Variants in PNMA8A observed in about 807,000 individuals in gnomAD.
The protein encoded by PNMA8A is PNMA family member 8A.
A neutral mutation model predicts 26.6 loss-of-function variants in PNMA8A; 17 were observed. The ratio of observed to expected loss-of-function variants is 0.64; its 90% CI spans 0.44 to 0.96. The LOEUF (loss-of-function observed/expected upper bound fraction) is 0.96, where lower values mean the gene tolerates loss of function less well. Ranked by LOEUF, PNMA8A falls within the 40% of genes least tolerant of loss-of-function variation. The pLI, the probability that PNMA8A is intolerant of heterozygous loss-of-function variation, is 0.00. For synonymous variants in PNMA8A, 224 were observed against 182.0 expected, an observed-to-expected ratio of 1.23 and a Z score of -1.86; for missense variants, 532 against 488.4, an observed-to-expected ratio of 1.09 and a Z score of -0.84.
At position 46,470,637 on chromosome 19, in the gene PNMA8A, G is replaced by A; in HGVS notation, c.399C>T (p.Pro133=). Residue 133 remains proline (P), a synonymous_variant, in exon 2 of 3, where the codon CCC becomes CCT. Coordinates refer to ENST00000313683, the MANE Select transcript of PNMA8A (RefSeq NM_018215.4). ...GCTGATGCTGGTTCTGGGACAGGGTGGGGTGGTTGAGCTGGAGCAGGCGGA... is the reference window on the plus strand; with the variant it reads ...GCTGATGCTGGTTCTGGGACAGGGTAGGGTGGTTGAGCTGGAGCAGGCGGA... ...DVVRLLQLNH[P]TLSQNQHQPP... is the part of the protein sequence containing the mutation. 5 of 1,583,820 alleles carry A rather than the reference G, an allele frequency of 3.2e-6. No individual in the cohort carries two copies. The highest frequency in any genetic ancestry group is 4.3e-6 in the Non-Finnish European group (5 of 1,152,382).
At position 46,466,844 on chromosome 19, in the gene PNMA8A, T is replaced by C. The variant is rs1969713274; in HGVS notation, c.*1717A>G. Reference sequence around the variant, plus strand: ...ATCTAACAACTGTTCACATTCTTTATCACAAAAACTGAAGTCGGAAAAGAC... The same window carrying C: ...ATCTAACAACTGTTCACATTCTTTACCACAAAAACTGAAGTCGGAAAAGAC... On this transcript the variant is annotated 3_prime_UTR_variant, in exon 3 of 3. Transcript: ENST00000313683. 2.0e-5 allele frequency: 3 copies of C among 152,190 alleles called. No homozygotes were observed. 9.4% of individuals were successfully genotyped at this position (152,190 alleles called of 1,614,324 possible).
Position 46,470,794 on chromosome 19 carries a change from G to T in PNMA8A, c.242C>A (p.Thr81Asn), listed in dbSNP as rs570296685. Residue 81 changes from threonine (T) to asparagine (N), a missense_variant, in exon 2 of 3, where the codon ACC becomes AAC. Coordinates refer to ENST00000313683, the MANE Select transcript of PNMA8A (RefSeq NM_018215.4). ...CCTTCCTGGGAATTCACGGGGGATG[G>T]TGCTCAGATTCACACCTTCACCAAC... ...IEVGEGVNLS[T>N]IPREFPGRGG... 1.3e-6 allele frequency: 1 copy of T among 783,260 alleles called. No homozygotes were observed. Among genetic ancestry groups the T allele is most frequent in the Non-Finnish European group, 2.4e-6 (1 of 420,136 alleles). The allele number at this position is 783,260 out of a possible 1,614,324, so 48.5% of individuals were successfully genotyped here.
Position 46,469,816 on chromosome 19 carries a change from C to G in PNMA8A, c.1220G>C (p.Gly407Ala). The G allele has an allele frequency of 6.2e-7, 1 of 1,614,222 alleles. No individual in the cohort carries two copies. Among genetic ancestry groups the G allele is most frequent in the Non-Finnish European group, 8.5e-7 (1 of 1,180,032 alleles). The change falls in exon 2 of 3, where the codon GGC becomes GCC. Residue 407 changes from glycine to alanine, a missense_variant. Physicochemically the swap from Gly to Ala is moderately conservative, Grantham distance 60. Transcript: ENST00000313683. ...GGCTGTTGCCTCGGCAGGCTGCTGG[C>G]CCCGAGGGGCCTTCTGATCTGATGC... Reference protein sequence around the residue: ...REASDQKAPRGQQPAEATAST... With the variant: ...REASDQKAPRAQQPAEATAST...
chr19:46,468,682 C>T, intron 2 of PNMA8A, 105 bp from the exon 3 acceptor site: 1 of 889,658 alleles, frequency 1.1e-6, no homozygotes, highest in Non-Finnish European at 1.9e-6. Flanking sequence ...TTCTATTCCC[C>T]AGCCAGGTCT....
In PNMA8A at chr19:46,468,320, GAAGGT is replaced by G. The variant is rs988549368; in HGVS notation, c.*236_*240del. ...TTACCAACTCTCCTGCCTCCGAAGA[GAAGGT>G]GAGTAGAGAAGGCGGTGAAACGGCA... On this transcript the variant is annotated 3_prime_UTR_variant, in exon 3 of 3. Coordinates refer to ENST00000313683, the MANE Select transcript of PNMA8A (RefSeq NM_018215.4). 2.2e-5 allele frequency: 11 copies of G among 490,368 alleles called. No individual in the cohort carries two copies. Among genetic ancestry groups the G allele is most frequent in the Non-Finnish European group, 3.7e-5 (10 of 273,076 alleles). The allele number at this position is 490,368 out of a possible 1,614,324, so 30.4% of individuals were successfully genotyped here.
rs777010398 is a variant in PNMA8A, at chr19:46,470,550, G to A, written c.486C>T (p.Phe162=). The change falls in exon 2 of 3, where the codon TTC becomes TTT. Residue 162 remains phenylalanine (F), a synonymous_variant. Coordinates refer to ENST00000313683, the MANE Select transcript of PNMA8A (RefSeq NM_018215.4). Reference sequence around the variant, plus strand: ...GGCTGCGGATCTCGGCATCCATGCAGAAGATGATCTGCACCACTGCTCCCA... The same window carrying A: ...GGCTGCGGATCTCGGCATCCATGCAAAAGATGATCTGCACCACTGCTCCCA... ...VLLGAVVQII[F]CMDAEIRSRE... is the part of the protein sequence containing the mutation. 1.9e-6 allele frequency: 3 copies of A among 1,614,072 alleles called. No homozygotes were observed. The highest frequency in any genetic ancestry group is 1.1e-5 in the South Asian group (1 of 91,086).
chr19:46,468,994 C>G (rs547058717), intron 2 of PNMA8A, among the ~76,000 whole-genome samples: 4 of 152,328 alleles, frequency 2.6e-5, no homozygotes, highest in African/African-American at 9.6e-5. Context: ...AACCACCATG[C>G]CCAGCTAATT....
intron 2 of PNMA8A, 91 bp from the exon 3 acceptor site, chr19:46,468,668 A>G (rs1444595369): frequency 1.9e-6 from 2 of 1,043,510 alleles, no homozygotes; most frequent in East Asian, 4.8e-5. Context: ...GGGTCCCTGA[A>G]CATTTCTATT....
At position 46,470,008 on chromosome 19, in the gene PNMA8A, C is replaced by T. The variant is rs1306351158; in HGVS notation, c.1028G>A (p.Ser343Asn). 6.2e-7 allele frequency: 1 copy of T among 1,602,294 alleles called. No homozygotes were observed. Among genetic ancestry groups the T allele is most frequent in the Non-Finnish European group, 8.5e-7 (1 of 1,175,472 alleles). ...GGCCACGGCCTTCTTCTTTGGTGGG[C>T]TTTCATGGCCACCATCTTGGTCTGA... ...SESDQDGGHESPPKKKAVAWV... is the reference protein window; with the variant it reads ...SESDQDGGHENPPKKKAVAWV... Residue 343 changes from serine to asparagine, a missense_variant, in exon 2 of 3, where the codon AGC becomes AAC. Ser to Asn is a conservative substitution (Grantham distance 46). Transcript: ENST00000313683.
chr19:46,471,297 C>A, intron 1 of PNMA8A, 40 bp downstream of exon 1: 1 of 311,928 alleles, frequency 3.2e-6, no homozygotes, highest in Non-Finnish European at 5.9e-6. Context: ...CTAGGACCCT[C>A]CCCCGGGCCT....
rs1481233353 is a variant in PNMA8A at position 46,470,052 on chromosome 19, G to A, written c.984C>T (p.Ser328=). ...PPQDARAEAE[S]PGGASESDQD... ...GGTCTGACTCAGAGGCGCCTCCTGG[G>A]CTCTCGGCTTCTGCCCGGGCATCCT... The change falls in exon 2 of 3, where the codon AGC becomes AGT. Residue 328 remains serine, a synonymous_variant. Transcript: ENST00000313683. 2.0e-5 allele frequency: 32 copies of A among 1,593,864 alleles called. No homozygotes were observed. Among genetic ancestry groups the A allele is most frequent in the Non-Finnish European group, 2.7e-5 (32 of 1,172,588 alleles).
rs749325249 is a variant in PNMA8A, at chr19:46,469,786, G to A, written c.1250C>T (p.Thr417Ile). 109 of 1,614,020 alleles carry A rather than the reference G, an allele frequency of 6.8e-5. No homozygotes were observed. The highest frequency in any genetic ancestry group is 8.7e-5 in the Non-Finnish European group (103 of 1,180,024). Residue 417 changes from threonine (T) to isoleucine (I), a missense_variant, in exon 2 of 3, where the codon ACC (threonine) becomes ATC (isoleucine). By Grantham distance (89) the Thr-to-Ile change is moderately conservative. Transcript: ENST00000313683. ...TGGCTTGGCCTTCGGACCCCTAGAGGTTGAGGCTGTTGCCTCGGCAGGCTG... is the reference window on the plus strand; with the variant it reads ...TGGCTTGGCCTTCGGACCCCTAGAGATTGAGGCTGTTGCCTCGGCAGGCTG... ...GQQPAEATAS[T>I]SRGPKAKPEG...
Position 46,467,129 on chromosome 19 carries a change from TACAAAA to T in PNMA8A, c.*1426_*1431del, listed in dbSNP as rs1396202160. On this transcript the variant is annotated 3_prime_UTR_variant, in exon 3 of 3. Coordinates refer to ENST00000313683, the MANE Select transcript of PNMA8A (RefSeq NM_018215.4). ...AGATGCCTGAAATAACTAAGACGTGTACAAAAACAAGTTAACCTATGAACACAAGGT... is the reference window on the plus strand; with the variant it reads ...AGATGCCTGAAATAACTAAGACGTGTACAAGTTAACCTATGAACACAAGGT... 1 of 152,226 alleles carries T rather than the reference TACAAAA, an allele frequency of 6.6e-6. No homozygotes were observed. The highest frequency in any genetic ancestry group is 1.5e-5 in the Non-Finnish European group (1 of 68,042). The allele number at this position is 152,226 out of a possible 1,614,324, so 9.4% of individuals were successfully genotyped here.
rs1025262267 is a variant in PNMA8A, at chr19:46,470,223, C to T, written c.813G>A (p.Leu271=). The T allele has an allele frequency of 1.4e-5, 22 of 1,614,038 alleles. No individual in the cohort carries two copies. The highest frequency in any genetic ancestry group is 1.9e-5 in the Non-Finnish European group (22 of 1,180,060). ...KGINSNSTAN[L]EDPEVGDAES... ...CAGCATCACCCACCTCAGGATCCTC[C>T]AAGTTAGCTGTGCTGTTGGAATTGA... Residue 271 remains leucine (L), a synonymous_variant, in exon 2 of 3, where the codon TTG becomes TTA. Transcript: ENST00000313683.
Position 46,468,362 on chromosome 19 carries a change from G to C in PNMA8A, c.*199C>G, listed in dbSNP as rs1181709745. 2.1e-5 allele frequency: 11 copies of C among 535,446 alleles called. No individual in the cohort carries two copies. The highest frequency in any genetic ancestry group is 3.1e-5 in the Non-Finnish European group (9 of 293,222). The allele number at this position is 535,446 out of a possible 1,614,324, so 33.2% of individuals were successfully genotyped here. ...GCGGTGAAACGGCAGGCCTGGTAGAGAAAAGGGCATAGAGATCCACCTCCC... is the reference window on the plus strand; with the variant it reads ...GCGGTGAAACGGCAGGCCTGGTAGACAAAAGGGCATAGAGATCCACCTCCC... On this transcript the variant is annotated 3_prime_UTR_variant, in exon 3 of 3. Transcript: ENST00000313683.
chr19:46,470,583 C>T lies in PNMA8A; in HGVS notation c.453G>A (p.Gly151=). The T allele has an allele frequency of 6.2e-7, 1 of 1,614,028 alleles. No individual in the cohort carries two copies. Among genetic ancestry groups the T allele is most frequent in the South Asian group, 1.1e-5 (1 of 91,086 alleles). The part of the protein sequence containing the change: ...QPPENWAEAL[G]VLLGAVVQII... ...TCTGCACCACTGCTCCCAGAAGCAC[C>T]CCCAGAGCTTCTGCCCAGTTCTCTG... is the stretch of plus-strand genomic sequence containing the variant. The change falls in exon 2 of 3, where the codon GGG becomes GGA. Residue 151 remains glycine, a synonymous_variant. Transcript: ENST00000313683.
At chr19:46,468,604 A>G in intron 2 of PNMA8A, 27 bp from the exon 3 acceptor site, 1 of 1,602,602 alleles carries the variant, frequency 6.2e-7, no homozygotes. Flanking sequence ...GAACAGATCA[A>G]GAAGGGAAGC....
chr19:46,471,468 C>A lies in PNMA8A; in HGVS notation c.-211G>T, dbSNP rs1969793528. On this transcript the variant is annotated 5_prime_UTR_variant, in exon 1 of 3. Coordinates refer to ENST00000313683, the MANE Select transcript of PNMA8A (RefSeq NM_018215.4). ...GAAAGGGCCAAGAAGGCGCCGTCCG[C>A]CCCCGCTCCGGCCCAGGCGGGTCAC... 1 of 156,754 alleles carries A rather than the reference C, an allele frequency of 6.4e-6. No homozygotes were observed. Among genetic ancestry groups the A allele is most frequent in the Non-Finnish European group, 1.4e-5 (1 of 71,136 alleles). 9.7% of individuals were successfully genotyped at this position (156,754 alleles called of 1,614,324 possible). A position where few individuals can be genotyped will look rare whatever the true frequency, so the allele number is the denominator to read the frequency against.
In PNMA8A at chr19:46,470,071, G is replaced by A; in HGVS notation, c.965C>T (p.Ala322Val). ...WKGPREPPQDARAEAESPGGA... is the reference protein window; with the variant it reads ...WKGPREPPQDVRAEAESPGGA... ...TCCTGGGCTCTCGGCTTCTGCCCGG[G>A]CATCCTGAGGTGGCTCTCTGGGACC... The change falls in exon 2 of 3, where the codon GCC becomes GTC. Residue 322 changes from alanine to valine, a missense_variant. Transcript: ENST00000313683. 2.5e-6 allele frequency: 4 copies of A among 1,589,904 alleles called. No homozygotes were observed. In the South Asian group the frequency reaches 4.6e-5, roughly 18 times the overall value.
Sources: gnomAD v4.1 joint callset for allele counts (sites outside exome capture counted in the v4.1 genomes callset) on GRCh38, gnomAD v4.1.1 for gene constraint, MANE v1.5 for transcripts, NCBI Gene and HGNC (gene_info 2026-07-23, HGNC 2026-07-21) for gene names.